INSR: variants seen among roughly 807,000 people sequenced by gnomAD.
INSR encodes the protein IR.
Under a neutral mutation model 142.6 loss-of-function variants are expected in INSR, and 67 were observed. That is an observed-to-expected ratio of 0.47 (90% CI 0.39 to 0.58). The LOEUF is 0.58. Among genes scored for constraint, INSR ranks in the 20% least tolerant of loss-of-function variants. The probability of loss-of-function intolerance (pLI) is 0.00; values close to 1 mark genes in which losing one functional copy is unlikely to be tolerated. For synonymous variants in INSR, 756 were observed against 743.1 expected (o/e 1.02, Z -0.28); for missense variants, 1,248 against 1,833.2 (o/e 0.68, Z 5.83).
At position 7,260,265 on chromosome 19, in the gene INSR, G is replaced by A. The variant is rs541493983; in HGVS notation, c.652+7080C>T. The stretch of plus-strand genomic sequence containing the variant: ...AGCCTCCCCCTCCTGCTTTGGTGCC[G>A]ACGTCCATATGTGGCATCTCGGGTT... On this transcript the variant is annotated intron_variant, in intron 2 of 21. Coordinates refer to ENST00000302850, the MANE Select transcript of INSR (RefSeq NM_000208.4). Among the ~76,000 whole-genome samples the A allele has an allele frequency of 3.9e-4, 60 of 152,228 alleles. 1 individual carries two copies. Among genetic ancestry groups the A allele is most frequent in the African/African-American group, 1.4e-3 (58 of 41,546 alleles).
intron 2 of INSR, among the ~76,000 whole-genome samples, chr19:7,254,333 T>C (rs1462093710): frequency 6.6e-6 from 1 of 151,882 alleles, no homozygotes; most frequent in African/African-American, 2.4e-5. Context: ...CTGGGAAACA[T>C]AGCAAGACTC....
At chr19:7,277,683 G>A (rs1437765308) in intron 1 of INSR, among the ~76,000 whole-genome samples, 1 of 152,102 alleles carries the variant, frequency 6.6e-6, no homozygotes, top group Non-Finnish European at 1.5e-5. Context: ...TGTGCTCCCG[G>A]CTACTCAGGA....
chr19:7,152,405 G>GAAA (rs77282303), intron 10 of INSR: 4 of 339,154 alleles, frequency 1.2e-5, no homozygotes, highest in African/African-American at 9.8e-5. Context: ...GAGAGAGAGA[G>GAAA]AAAAAAAAAA....
chr19:7,222,223 T>C (rs10401485), intron 2 of INSR, among the ~76,000 whole-genome samples: 91,528 of 151,340 alleles, frequency 0.6, 28,076 homozygotes, highest in African/African-American at 0.69. Flanking sequence ...CCCCAACATC[T>C]ATCTAGCCCA....
intron 1 of INSR, among the ~76,000 whole-genome samples, chr19:7,271,464 C>T (rs953136756): frequency 6.6e-6 from 1 of 152,130 alleles, no homozygotes; most frequent in Non-Finnish European, 1.5e-5. Context: ...CACTGCACTC[C>T]AGCCTGGGCG....
rs911661112 is a variant in INSR, at chr19:7,150,355, T to C, written c.2267+142A>G. The C allele has an allele frequency of 8.4e-6, 6 of 712,302 alleles. No individual in the cohort carries two copies. Among genetic ancestry groups the C allele is most frequent in the Non-Finnish European group, 1.5e-5 (6 of 401,166 alleles). 44.1% of individuals were successfully genotyped at this position (712,302 alleles called of 1,614,324 possible). ...AGAGTGAAGGCATTGGATTTCTGAA[T>C]TGGTGAAGCATCTGCTCTCCAGCAC... is the stretch of plus-strand genomic sequence containing the variant. On this transcript the variant is annotated intron_variant, in intron 11 of 21. Transcript: ENST00000302850. The surrounding 1 kb of genome is among the most constrained non-coding windows in gnomAD (Gnocchi z 4.2).
chr19:7,235,824 C>G (rs1976139544), intron 2 of INSR, among the ~76,000 whole-genome samples: 1 of 151,896 alleles, frequency 6.6e-6, no homozygotes, highest in Non-Finnish European at 1.5e-5. Flanking sequence ...AAGATCCTAT[C>G]TCTAAAAATA....
chr19:7,163,948 A>AAAAAAAAAAAAAAAAAAT (rs1411048837), intron 8 of INSR, among the ~76,000 whole-genome samples: 1 of 136,142 alleles, frequency 7.3e-6, no homozygotes, highest in African/African-American at 3.1e-5. Context: ...AAAAAAAAAA[A>AAAAAAAAAAAAAAAAAAT]ATTAGCTGGA....
chr19:7,157,678 C>T (rs1290266278), intron 9 of INSR, among the ~76,000 whole-genome samples: 1 of 151,980 alleles, frequency 6.6e-6, no homozygotes, highest in African/African-American at 2.4e-5. Context: ...CTGAGATGGA[C>T]GGACACAGCT....
chr19:7,132,071 G>A (rs1972797208), intron 14 of INSR, 87 bp downstream of exon 14: 4 of 1,537,354 alleles, frequency 2.6e-6, no homozygotes, highest in Admixed American at 3.3e-5. Context: ...CAGCACCTGC[G>A]GCCTCTCCAA....
intron 8 of INSR, among the ~76,000 whole-genome samples, chr19:7,164,654 C>CAAAAA (rs539037803): frequency 1.3e-5 from 1 of 76,100 alleles, no homozygotes; most frequent in Non-Finnish European, 2.7e-5. Context: ...CTTGTCTCTA[C>CAAAAA]AAAAAAAAAA....
At chr19:7,255,993 C>T (rs1210836936) in intron 2 of INSR, among the ~76,000 whole-genome samples, 2 of 152,092 alleles carry the variant, frequency 1.3e-5, no homozygotes, top group Admixed American at 6.6e-5. Flanking sequence ...CTTCAACCCC[C>T]GGAAGAGGAG....
chr19:7,126,203 G>A (rs1275798557), intron 16 of INSR, among the ~76,000 whole-genome samples: 2 of 152,162 alleles, frequency 1.3e-5, no homozygotes, highest in Admixed American at 6.5e-5. Context: ...GGACCACCCA[G>A]CCTACTGACC....
intron 2 of INSR, among the ~76,000 whole-genome samples, chr19:7,200,779 G>C (rs539595836): frequency 6.7e-6 from 1 of 149,810 alleles, no homozygotes; most frequent in African/African-American, 2.5e-5. Flanking sequence ...AGGATTGCTC[G>C]AGTCCAGGAA....
At chr19:7,122,568 ACCTGG>A in intron 19 of INSR, 41 bp downstream of exon 19, 5 of 1,609,924 alleles carry the variant, frequency 3.1e-6, no homozygotes, top group Non-Finnish European at 3.4e-6. Flanking sequence ...CTGAAATCAA[ACCTGG>A]CCTGGGTCGT....
intron 2 of INSR, among the ~76,000 whole-genome samples, chr19:7,213,189 C>T (rs923590410): frequency 1.3e-5 from 2 of 151,786 alleles, no homozygotes; most frequent in Non-Finnish European, 2.9e-5. Flanking sequence ...ACTAAAAATA[C>T]AAAAATTAGC....
intron 2 of INSR, among the ~76,000 whole-genome samples, chr19:7,236,199 T>C (rs923244746): frequency 5.9e-5 from 9 of 151,994 alleles, no homozygotes; most frequent in African/African-American, 2.2e-4. Context: ...TGACCTCAAG[T>C]GATCCACCCG....
chr19:7,171,218 TTTTGTTTG>T (rs72193351), intron 5 of INSR, among the ~76,000 whole-genome samples: 6 of 151,364 alleles, frequency 4.0e-5, no homozygotes, highest in African/African-American at 1.5e-4. Flanking sequence ...CATTGAAGGT[TTTTGTTTG>T]TTTGTTTGTT....
chr19:7,123,309 C>T (rs532803665), intron 17 of INSR, among the ~76,000 whole-genome samples: 3 of 151,984 alleles, frequency 2.0e-5, no homozygotes, highest in African/African-American at 7.2e-5. Context: ...GCTGGGGTTA[C>T]AGGTGCCCGC....
Sources: gnomAD v4.1 joint callset for allele counts (sites outside exome capture counted in the v4.1 genomes callset) on GRCh38, gnomAD v4.1.1 for gene constraint, Gnocchi (gnomAD v3.1) non-coding constraint, MANE v1.5 for transcripts, NCBI Gene and HGNC (gene_info 2026-07-23, HGNC 2026-07-21) for gene names.